Variants in ATRX observed in about 807,000 individuals in gnomAD.
ATRX encodes chromatin remodeler ATRX.
A neutral mutation model predicts 172.6 loss-of-function variants in ATRX; 12 were observed. The ratio of observed to expected loss-of-function variants is 0.07; its 90% CI spans 0.04 to 0.11. The LOEUF (loss-of-function observed/expected upper bound fraction) is 0.11. Among genes scored for constraint, ATRX ranks in the 10% least tolerant of loss-of-function variants. The pLI is 1.00. For missense variants in ATRX, 1,368 were observed against 1,767.4 expected, an observed-to-expected ratio of 0.77 and a Z score of 4.05; for synonymous variants, 674 against 594.7, an observed-to-expected ratio of 1.13 and a Z score of -1.94.
intron 30 of ATRX, among the ~76,000 whole-genome samples, chrX:77,555,039 G>A (rs1207020990): frequency 2.7e-5 from 3 of 111,754 alleles, no homozygotes; most frequent in Non-Finnish European, 3.8e-5. Context: ...ATGGGATGTC[G>A]GGATCAGAGT....
intron 30 of ATRX, among the ~76,000 whole-genome samples, chrX:77,551,034 C>A (rs1602497625): frequency 9.0e-6 from 1 of 111,302 alleles, no homozygotes. Context: ...AAAATGGCCA[C>A]ACTGCCCAAG....
At chrX:77,737,593 C>G (rs782180951) in intron 1 of ATRX, among the ~76,000 whole-genome samples, 21 of 109,383 alleles carry the variant, frequency 1.9e-4, no homozygotes, top group Non-Finnish European at 3.8e-4. Context: ...TTTTTAATAC[C>G]TGAAAGAATA....
chrX:77,575,550 T>C (rs1386665538), intron 27 of ATRX: 1 of 111,298 alleles, frequency 9.0e-6, no homozygotes, highest in East Asian at 2.8e-4. Context: ...TTCAACATAC[T>C]CACCTTTTAT....
intron 30 of ATRX, among the ~76,000 whole-genome samples, chrX:77,551,653 A>G (rs942591925): frequency 4.5e-5 from 5 of 112,207 alleles, no homozygotes; most frequent in Non-Finnish European, 9.4e-5. Flanking sequence ...CCGCACAGCA[A>G]AAGAAACTAC....
At chrX:77,632,152 C>T (rs940446438) in intron 19 of ATRX, among the ~76,000 whole-genome samples, 71 of 110,838 alleles carry the variant, frequency 6.4e-4, no homozygotes, top group Non-Finnish European at 5.3e-4. Flanking sequence ...GAGTGCACCA[C>T]CATGCCCGGC....
intron 1 of ATRX, among the ~76,000 whole-genome samples, chrX:77,730,146 C>A (rs2074237283): frequency 9.0e-6 from 1 of 111,559 alleles, no homozygotes; most frequent in Admixed American, 9.6e-5. Context: ...TACGAGAAAT[C>A]TTTTCCAAAG....
intron 1 of ATRX, among the ~76,000 whole-genome samples, chrX:77,774,198 G>A (rs1476754155): frequency 9.1e-6 from 1 of 109,546 alleles, no homozygotes; most frequent in Non-Finnish European, 1.9e-5. Flanking sequence ...CTCCAGCCTG[G>A]GCAACAAGAG....
chrX:77,743,829 C>T (rs1384688235), intron 1 of ATRX, among the ~76,000 whole-genome samples: 1 of 111,872 alleles, frequency 8.9e-6, no homozygotes, highest in Non-Finnish European at 1.9e-5. Context: ...CTGGAACTGC[C>T]AACACAGTTA....
At chrX:77,602,166 G>A (rs373313927) in intron 22 of ATRX, among the ~76,000 whole-genome samples, 83 of 111,147 alleles carry the variant, frequency 7.5e-4, no homozygotes, top group African/African-American at 1.5e-3. Context: ...CACCAGGTTT[G>A]GCTAATTCTT....
At chrX:77,660,538 G>A (rs2069821498) in intron 12 of ATRX, among the ~76,000 whole-genome samples, 1 of 108,864 alleles carries the variant, frequency 9.2e-6, no homozygotes, top group Non-Finnish European at 1.9e-5. Context: ...CTGCACTCCG[G>A]CCTGGGCGAC....
chrX:77,602,269 G>A (rs193278908), intron 22 of ATRX, among the ~76,000 whole-genome samples: 3 of 111,238 alleles, frequency 2.7e-5, no homozygotes, highest in African/African-American at 6.5e-5. Flanking sequence ...TTGGCCTCCC[G>A]AAAGGCTGGG....
chrX:77,774,160 T>C (rs902476120), intron 1 of ATRX, among the ~76,000 whole-genome samples: 6 of 108,969 alleles, frequency 5.5e-5, no homozygotes, highest in Non-Finnish European at 7.6e-5. Context: ...AGATGGAGGT[T>C]GCAGTGAGCC....
At chrX:77,720,773 C>T (rs1353330744) in intron 1 of ATRX, among the ~76,000 whole-genome samples, 2 of 111,950 alleles carry the variant, frequency 1.8e-5, no homozygotes, top group Admixed American at 1.9e-4. Flanking sequence ...ACCATTCCTT[C>T]TGAAACTATT....
At chrX:77,733,278 T>A (rs956631625) in intron 1 of ATRX, among the ~76,000 whole-genome samples, 1 of 111,488 alleles carries the variant, frequency 9.0e-6, no homozygotes, top group Non-Finnish European at 1.9e-5. Context: ...CCAATGACAC[T>A]CTTCACAGAA....
intron 27 of ATRX, among the ~76,000 whole-genome samples, chrX:77,577,359 A>T (rs781846208): frequency 9.0e-6 from 1 of 111,199 alleles, no homozygotes; most frequent in Admixed American, 9.6e-5. Flanking sequence ...CATTTCCCTA[A>T]GGATTAGTGA....
chrX:77,528,525 A>C (rs1472356732), intron 30 of ATRX, among the ~76,000 whole-genome samples: 1 of 110,638 alleles, frequency 9.0e-6, no homozygotes, highest in Non-Finnish European at 1.9e-5. Flanking sequence ...GGTCTGGAGC[A>C]AACCCCCAGC....
chrX:77,590,566 C>T (rs1290015957), intron 26 of ATRX, among the ~76,000 whole-genome samples: 1 of 101,876 alleles, frequency 9.8e-6, no homozygotes, highest in Non-Finnish European at 2.0e-5. Flanking sequence ...GAGTGGAGAT[C>T]GCACCACTGC....
chrX:77,617,198 A>T (rs1200279554), intron 21 of ATRX, among the ~76,000 whole-genome samples: 1 of 112,077 alleles, frequency 8.9e-6, no homozygotes, highest in Non-Finnish European at 1.9e-5. Flanking sequence ...ATAATTTTAG[A>T]GGGAATATTT....
chrX:77,715,775 G>A (rs1361075508), intron 2 of ATRX, among the ~76,000 whole-genome samples: 1 of 110,965 alleles, frequency 9.0e-6, no homozygotes, highest in Non-Finnish European at 1.9e-5. Flanking sequence ...TTTAAAAAAT[G>A]CTCAGCCCGT....
Sources: gnomAD v4.1 joint callset for allele counts (sites outside exome capture counted in the v4.1 genomes callset) on GRCh38, gnomAD v4.1.1 for gene constraint, MANE v1.5 for transcripts, NCBI Gene and HGNC (gene_info 2026-07-23, HGNC 2026-07-21) for gene names.